BMERB1: variants seen among roughly 807,000 people sequenced by gnomAD.
The protein encoded by BMERB1 is bMERB domain-containing protein 1.
In BMERB1, 12 loss-of-function variants were observed where a neutral mutation model predicts 23.6. The ratio of observed to expected loss-of-function variants is 0.51; its 90% CI spans 0.33 to 0.82. The LOEUF is 0.82. Ranked by LOEUF, BMERB1 falls within the 40% of genes least tolerant of loss-of-function variation. The pLI is 0.03. For synonymous variants in BMERB1, 122 were observed against 96.6 expected (o/e 1.26, Z -1.54); for missense variants, 247 against 255.4 (o/e 0.97, Z 0.22).
intron 5 of BMERB1, among the ~76,000 whole-genome samples, chr16:15,586,066 A>T (rs569002363): frequency 6.6e-6 from 1 of 152,050 alleles, no homozygotes; most frequent in Non-Finnish European, 1.5e-5. Context: ...GCCTTCTGAA[A>T]TTTTTTTTTA....
At chr16:15,466,001 G>A (rs1320109644) in intron 1 of BMERB1, among the ~76,000 whole-genome samples, 1 of 152,022 alleles carries the variant, frequency 6.6e-6, no homozygotes, top group Non-Finnish European at 1.5e-5. Context: ...ACTGATAATA[G>A]GTTGTTTTCC....
intron 2 of BMERB1, among the ~76,000 whole-genome samples, chr16:15,523,571 A>G (rs1598494443): frequency 6.6e-6 from 1 of 152,112 alleles, no homozygotes; most frequent in Admixed American, 6.6e-5. Flanking sequence ...CTCAGTCATC[A>G]AGCTGTGGGG....
At chr16:15,583,577 C>CAAA (rs35021259) in intron 5 of BMERB1, among the ~76,000 whole-genome samples, 19 of 61,758 alleles carry the variant, frequency 3.1e-4, no homozygotes, top group South Asian at 6.3e-4. Flanking sequence ...GACTTTGTCT[C>CAAA]AAAAAAAAAA....
intron 5 of BMERB1, among the ~76,000 whole-genome samples, chr16:15,585,499 A>G (rs943247846): frequency 6.6e-6 from 1 of 152,162 alleles, no homozygotes; most frequent in African/African-American, 2.4e-5. Flanking sequence ...GTATTCTCAC[A>G]GAAAAAAGCA....
At chr16:15,520,080 T>G (rs927372179) in intron 2 of BMERB1, among the ~76,000 whole-genome samples, 1 of 151,990 alleles carries the variant, frequency 6.6e-6, no homozygotes, top group Non-Finnish European at 1.5e-5. Flanking sequence ...GCTTCTTGAG[T>G]CCTCGCAAGA....
intron 3 of BMERB1, among the ~76,000 whole-genome samples, chr16:15,580,250 T>C (rs1596404240): frequency 6.6e-6 from 1 of 151,640 alleles, no homozygotes; most frequent in South Asian, 2.1e-4. Context: ...GAACACTCCA[T>C]CACATGTGGC....
intron 1 of BMERB1, among the ~76,000 whole-genome samples, chr16:15,482,843 A>G (rs1395699139): frequency 6.6e-6 from 1 of 152,178 alleles, no homozygotes; most frequent in African/African-American, 2.4e-5. Context: ...TCAGGTACTG[A>G]TGCTTCAAGC....
chr16:15,551,689 C>A (rs1470463317), intron 2 of BMERB1, among the ~76,000 whole-genome samples: 2 of 152,172 alleles, frequency 1.3e-5, no homozygotes, highest in Non-Finnish European at 2.9e-5. Context: ...TGTAAAGATA[C>A]TACCCGAGAC....
chr16:15,586,059 T>G (rs1475930815), intron 5 of BMERB1, among the ~76,000 whole-genome samples: 1 of 152,094 alleles, frequency 6.6e-6, no homozygotes, highest in African/African-American at 2.4e-5. Context: ...AAAACTGGCC[T>G]TCTGAAATTT....
chr16:15,451,516 T>C (rs1305991025), intron 1 of BMERB1, among the ~76,000 whole-genome samples: 2 of 151,636 alleles, frequency 1.3e-5, no homozygotes, highest in Admixed American at 6.6e-5. Flanking sequence ...CTTATGCCTA[T>C]GTGTGTATGT....
intron 1 of BMERB1, among the ~76,000 whole-genome samples, chr16:15,460,443 T>TCCCA (rs1259168257): frequency 6.6e-6 from 1 of 152,124 alleles, no homozygotes; most frequent in East Asian, 1.9e-4. Flanking sequence ...TGCTCTGGGA[T>TCCCA]GAGCAAAATC....
chr16:15,502,151 G>T lies in BMERB1; in HGVS notation c.107-13154G>T, dbSNP rs1008865486. 9.4e-6 allele frequency: 7 copies of T among 744,476 alleles called. No homozygotes were observed. The Admixed American group carries it at 1.4e-4, about 15-fold the overall frequency. The allele number at this position is 744,476 out of a possible 1,614,324, so 46.1% of individuals were successfully genotyped here. A position where few individuals can be genotyped will look rare whatever the true frequency, so the allele number is the denominator to read the frequency against. ...TTGACGCCAATGCCTGCGTCTTCAC[G>T]TGCTGTTGGTGCGTCCTCCTGAATT... On this transcript the variant is annotated intron_variant, in intron 1 of 5. Transcript: ENST00000300006.
At chr16:15,574,954 C>T (rs1409113293) in intron 3 of BMERB1, among the ~76,000 whole-genome samples, 1 of 152,170 alleles carries the variant, frequency 6.6e-6, no homozygotes, top group African/African-American at 2.4e-5. Flanking sequence ...TGGCGCCTGC[C>T]TGTACTTCCA....
At chr16:15,567,704 G>A (rs555171568) in intron 2 of BMERB1, among the ~76,000 whole-genome samples, 1 of 151,986 alleles carries the variant, frequency 6.6e-6, no homozygotes, top group African/African-American at 2.4e-5. Flanking sequence ...TGGAGGTTGC[G>A]GTGAGCCGAG....
intron 2 of BMERB1, among the ~76,000 whole-genome samples, chr16:15,520,199 G>A (rs1266166874): frequency 1.3e-5 from 2 of 152,120 alleles, no homozygotes; most frequent in African/African-American, 4.8e-5. Context: ...GTAGTACCAG[G>A]ATTTGAACCC....
intron 1 of BMERB1, among the ~76,000 whole-genome samples, chr16:15,477,251 A>G (rs1292615646): frequency 1.3e-5 from 2 of 152,134 alleles, no homozygotes; most frequent in African/African-American, 4.8e-5. Context: ...GAGTGCAAGC[A>G]GGGGAAATGC....
intron 1 of BMERB1, among the ~76,000 whole-genome samples, chr16:15,437,655 C>T (rs569680509): frequency 1.1e-4 from 16 of 152,228 alleles, no homozygotes; most frequent in African/African-American, 3.9e-4. Context: ...CTATGCTGCA[C>T]ACTGTTAAAA....
chr16:15,468,162 T>TTTTTTTTTTTTTTTTTTTTTTC, intron 1 of BMERB1, among the ~76,000 whole-genome samples: 1 of 64,532 alleles, frequency 1.5e-5, no homozygotes, highest in Non-Finnish European at 3.1e-5. Flanking sequence ...TTTTTTTTTT[T>TTTTTTTTTTTTTTTTTTTTTTC]TGAGGCAGGG....
intron 3 of BMERB1, among the ~76,000 whole-genome samples, chr16:15,576,831 A>G (rs1596402970): frequency 1.3e-5 from 2 of 152,044 alleles, no homozygotes; most frequent in Admixed American, 1.3e-4. Context: ...AGACACTGAC[A>G]TACAGAGGAG....
Sources: gnomAD v4.1 joint callset for allele counts (sites outside exome capture counted in the v4.1 genomes callset) on GRCh38, gnomAD v4.1.1 for gene constraint, MANE v1.5 for transcripts, NCBI Gene and HGNC (gene_info 2026-07-23, HGNC 2026-07-21) for gene names.